TSHZ2: variants seen among roughly 807,000 people sequenced by gnomAD.
TSHZ2 encodes teashirt zinc finger homeobox 2, also known as teashirt homolog 2.
In TSHZ2, 21 loss-of-function variants were observed where a neutral mutation model predicts 74.4. The observed-to-expected ratio is 0.28, with a 90% CI of 0.20 to 0.41. The LOEUF (loss-of-function observed/expected upper bound fraction) is 0.41, where lower values mean the gene tolerates loss of function less well. TSHZ2 is among the 10% of genes least tolerant of loss of function. The pLI is 1.00. For synonymous variants in TSHZ2, 540 were observed against 515.3 expected (o/e 1.05, Z -0.65); for missense variants, 1,244 against 1,293.5 (o/e 0.96, Z 0.59).
Position 53,297,430 on chromosome 20 carries a change from G to A in TSHZ2, c.*8+40859G>A, listed in dbSNP as rs908411711. ...ACGCCCAGCTAATGCTTTAATTAGC[G>A]TGCCGTCTTACCCAAGGTAGTCTTG... On this transcript the variant is annotated intron_variant, in intron 2 of 2. Coordinates refer to ENST00000371497, the MANE Select transcript of TSHZ2 (RefSeq NM_173485.6). Among the ~76,000 whole-genome samples the A allele has an allele frequency of 1.6e-4, 25 of 152,062 alleles. No individual in the cohort carries two copies. In the East Asian group the frequency reaches 2.5e-3, roughly 15 times the overall value.
intron 1 of TSHZ2, among the ~76,000 whole-genome samples, chr20:53,215,485 T>C (rs1399689136): frequency 6.6e-6 from 1 of 150,998 alleles, no homozygotes; most frequent in Non-Finnish European, 1.5e-5. Context: ...CCTTCAGCTA[T>C]GGTCTACAGT....
intron 1 of TSHZ2, among the ~76,000 whole-genome samples, chr20:53,106,941 G>A (rs768127153): frequency 8.1e-5 from 12 of 148,794 alleles, no homozygotes; most frequent in Non-Finnish European, 1.6e-4. Flanking sequence ...CAAGTGATCC[G>A]CCCACCTCGG....
intron 1 of TSHZ2, among the ~76,000 whole-genome samples, chr20:53,133,139 C>A (rs570164620): frequency 2.6e-5 from 4 of 152,310 alleles, no homozygotes; most frequent in South Asian, 4.1e-4. Context: ...GGTGGCCACT[C>A]TTTGACACGT....
At chr20:53,326,073 C>T (rs750789146) in intron 2 of TSHZ2, among the ~76,000 whole-genome samples, 4 of 152,172 alleles carry the variant, frequency 2.6e-5, no homozygotes, top group African/African-American at 9.7e-5. Flanking sequence ...TGAGCCACCG[C>T]GCCCCACCCA....
At chr20:53,234,725 T>C (rs1246788495) in intron 1 of TSHZ2, among the ~76,000 whole-genome samples, 1 of 151,940 alleles carries the variant, frequency 6.6e-6, no homozygotes, top group Non-Finnish European at 1.5e-5. Flanking sequence ...TTATGGGAAA[T>C]AGCAAAGAGG....
chr20:53,247,119 A>G (rs1469404402), intron 1 of TSHZ2, among the ~76,000 whole-genome samples: 2 of 152,244 alleles, frequency 1.3e-5, no homozygotes, highest in African/African-American at 4.8e-5. Context: ...TTTCAGACAG[A>G]GGAGGGAGCA....
chr20:53,319,816 T>G (rs1979177528), intron 2 of TSHZ2, among the ~76,000 whole-genome samples: 1 of 152,242 alleles, frequency 6.6e-6, no homozygotes, highest in Admixed American at 6.5e-5. Flanking sequence ...GAGCAAGCAC[T>G]CAACACATGT....
chr20:53,341,903 G>T (rs926369176), intron 2 of TSHZ2, among the ~76,000 whole-genome samples: 2 of 152,092 alleles, frequency 1.3e-5, no homozygotes, highest in East Asian at 1.9e-4. Flanking sequence ...TAGAGAAGGG[G>T]CTTCACCACG....
intron 1 of TSHZ2, among the ~76,000 whole-genome samples, chr20:53,063,763 TG>T (rs1984892852): frequency 1.3e-5 from 2 of 149,980 alleles, no homozygotes; most frequent in Admixed American, 1.3e-4. Flanking sequence ...TTTGAATGTG[TG>T]TTTGTCAGCA....
At chr20:53,164,515 C>T (rs1988021678) in intron 1 of TSHZ2, among the ~76,000 whole-genome samples, 1 of 152,002 alleles carries the variant, frequency 6.6e-6, no homozygotes, top group Admixed American at 6.5e-5. Flanking sequence ...TCCAATAGAA[C>T]TTTCTGTGAT....
chr20:53,473,652 A>G (rs1985900915), intron 2 of TSHZ2, among the ~76,000 whole-genome samples: 1 of 151,276 alleles, frequency 6.6e-6, no homozygotes, highest in South Asian at 2.1e-4. Flanking sequence ...ACAAAGCTGG[A>G]TGGAGAATGA....
At chr20:53,370,658 G>C (rs1981434220) in intron 2 of TSHZ2, among the ~76,000 whole-genome samples, 1 of 152,124 alleles carries the variant, frequency 6.6e-6, no homozygotes, top group African/African-American at 2.4e-5. Flanking sequence ...CAGATACTCA[G>C]GGGGCTGAGG....
intron 2 of TSHZ2, among the ~76,000 whole-genome samples, chr20:53,484,402 TTA>T (rs200515768): frequency 2.8e-5 from 4 of 142,678 alleles, no homozygotes; most frequent in African/African-American, 5.2e-5. Flanking sequence ...TTTTTTTTTT[TTA>T]AGACAGAGTC....
intron 2 of TSHZ2, among the ~76,000 whole-genome samples, chr20:53,361,732 G>A (rs1308840255): frequency 6.6e-6 from 1 of 152,128 alleles, no homozygotes; most frequent in African/African-American, 2.4e-5. Flanking sequence ...GGTGCTAAAT[G>A]TCCCGTAATG....
At chr20:53,364,098 A>G (rs574751255) in intron 2 of TSHZ2, among the ~76,000 whole-genome samples, 13 of 151,768 alleles carry the variant, frequency 8.6e-5, no homozygotes, top group Non-Finnish European at 1.3e-4. Context: ...GTGAGTTTTT[A>G]AAAGATAGAT....
At chr20:53,351,234 G>T (rs1005817207) in intron 2 of TSHZ2, among the ~76,000 whole-genome samples, 27 of 152,216 alleles carry the variant, frequency 1.8e-4, no homozygotes, top group Admixed American at 1.6e-3. Context: ...TGAGTGAATA[G>T]ATTTTTTTTT....
At chr20:53,225,497 C>T (rs562544127) in intron 1 of TSHZ2, among the ~76,000 whole-genome samples, 1 of 152,278 alleles carries the variant, frequency 6.6e-6, no homozygotes, top group East Asian at 1.9e-4. Context: ...GTGACTTCGC[C>T]CTCAGTGCTG....
At chr20:53,017,108 A>G (rs962549631) in intron 1 of TSHZ2, among the ~76,000 whole-genome samples, 1 of 152,166 alleles carries the variant, frequency 6.6e-6, no homozygotes, top group East Asian at 1.9e-4. Flanking sequence ...AATTGACACC[A>G]TTATTGAAGT....
chr20:53,447,764 T>C (rs1984609939), intron 2 of TSHZ2, among the ~76,000 whole-genome samples: 1 of 152,206 alleles, frequency 6.6e-6, no homozygotes. Flanking sequence ...ATTGATGCTA[T>C]GGATGTGTGG....
Sources: allele counts gnomAD v4.1 joint callset (sites outside exome capture counted in the v4.1 genomes callset), GRCh38; gene constraint gnomAD v4.1.1; transcripts MANE v1.5; gene names NCBI Gene and HGNC (gene_info 2026-07-23, HGNC 2026-07-21).